The following ABCB5 variants were observed in gnomAD, a reference collection of about 807,000 sequenced individuals.
ABCB5 encodes ATP binding cassette subfamily B member 5, also known as ATP-binding cassette sub-family B member 5.
A neutral mutation model predicts 144.2 loss-of-function variants in ABCB5; 155 were observed. The observed-to-expected ratio is 1.08, with a 90% CI of 0.94 to 1.23. ABCB5 has a LOEUF of 1.23. Ranked by LOEUF, ABCB5 falls within the 50% of genes most tolerant of loss-of-function variation. The pLI is 0.00. For synonymous variants in ABCB5, 610 were observed against 528.6 expected (o/e 1.15, Z -2.11); for missense variants, 1,830 against 1,520.8 (o/e 1.20, Z -3.38).
At chr7:20,680,140 T>C (rs931854733) in intron 14 of ABCB5, among the ~76,000 whole-genome samples, 7 of 152,008 alleles carry the variant, frequency 4.6e-5, no homozygotes, top group Admixed American at 3.9e-4. Context: ...TAATGTTGAG[T>C]GAAAAGACCC....
chr7:20,703,768 C>CT (rs1786714660), intron 19 of ABCB5, among the ~76,000 whole-genome samples: 1 of 152,172 alleles, frequency 6.6e-6, no homozygotes, highest in Non-Finnish European at 1.5e-5. Context: ...CTGAGAAGCA[C>CT]TAAGATGTGC....
At chr7:20,705,435 T>C (rs1786789717) in intron 20 of ABCB5, among the ~76,000 whole-genome samples, 1 of 152,222 alleles carries the variant, frequency 6.6e-6, no homozygotes, top group Non-Finnish European at 1.5e-5. Flanking sequence ...GTTAGTTTTC[T>C]TTTAATTATT....
At chr7:20,744,617 TG>T (rs1349751906) in intron 25 of ABCB5, among the ~76,000 whole-genome samples, 1 of 110,020 alleles carries the variant, frequency 9.1e-6, no homozygotes, top group African/African-American at 3.4e-5. Flanking sequence ...GCTACATCCA[TG>T]GGGGGAGGGG....
At chr7:20,686,204 C>T (rs1034261240) in intron 16 of ABCB5, among the ~76,000 whole-genome samples, 1 of 152,182 alleles carries the variant, frequency 6.6e-6, no homozygotes, top group East Asian at 1.9e-4. Context: ...GCATGCCACT[C>T]CCGGAATGCA....
intron 1 of ABCB5, among the ~76,000 whole-genome samples, chr7:20,616,463 G>A (rs1783687498): frequency 6.6e-6 from 1 of 152,096 alleles, no homozygotes; most frequent in Admixed American, 6.6e-5. Context: ...TTCTCACATG[G>A]GTATTTTGTC....
intron 23 of ABCB5, among the ~76,000 whole-genome samples, chr7:20,729,091 C>T (rs1039643049): frequency 4.6e-5 from 7 of 152,072 alleles, no homozygotes; most frequent in African/African-American, 1.7e-4. Flanking sequence ...TTATGGGGTA[C>T]AATGGGATGT....
chr7:20,750,327 G>GCC (rs3033672), intron 26 of ABCB5, among the ~76,000 whole-genome samples: 65,842 of 151,354 alleles, frequency 0.44, 14,773 homozygotes, highest in African/African-American at 0.53. Flanking sequence ...ACAATGCACT[G>GCC]AGCAGCCTCA....
intron 14 of ABCB5, among the ~76,000 whole-genome samples, chr7:20,668,564 G>A (rs1282006942): frequency 5.3e-5 from 8 of 151,390 alleles, no homozygotes; most frequent in Non-Finnish European, 8.8e-5. Flanking sequence ...GTCTCCGCCC[G>A]GCAGCCACCC....
chr7:20,679,164 A>T (rs71526338), intron 14 of ABCB5, among the ~76,000 whole-genome samples: 2 of 152,064 alleles, frequency 1.3e-5, no homozygotes, highest in Non-Finnish European at 2.9e-5. Flanking sequence ...ATGAAAAGAC[A>T]CCATTAAGAG....
intron 17 of ABCB5, among the ~76,000 whole-genome samples, 196 bp downstream of exon 17, chr7:20,698,746 G>A (rs930180728): frequency 5.3e-5 from 8 of 152,152 alleles, no homozygotes; most frequent in Non-Finnish European, 8.8e-5. Context: ...GTGTGTGGCC[G>A]GGCCTTGTTG....
Position 20,743,056 on chromosome 7 carries a change from C to G in ABCB5, c.3204C>G (p.Asp1068Glu), listed in dbSNP as rs754678612. The G allele has an allele frequency of 1.2e-5, 20 of 1,613,862 alleles. No individual in the cohort carries two copies. In the Admixed American group the frequency reaches 2.7e-4, roughly 22 times the overall value. The change falls in exon 25 of 28, where the codon GAC (aspartate) becomes GAG (glutamate). Residue 1068 changes from aspartate to glutamate, a missense_variant. Physicochemically the swap from Asp to Glu is conservative, Grantham distance 45. Coordinates refer to ENST00000404938, the MANE Select transcript of ABCB5 (RefSeq NM_001163941.2). The stretch of plus-strand genomic sequence containing the variant: ...TTCAACTTCTGCAGAGACTTTATGA[C>G]CCCGTGCAAGGACAAGTGGTAAGAC... ...TSVQLLQRLY[D>E]PVQGQVLFDG...
chr7:20,623,181 G>A (rs535589228), intron 1 of ABCB5, 84 bp from the exon 2 acceptor site: 37 of 806,902 alleles, frequency 4.6e-5, no homozygotes, highest in Non-Finnish European at 7.1e-5. Flanking sequence ...AACTGTGAGA[G>A]ATGTGGGATG....
chr7:20,617,813 T>C (rs952461373), intron 1 of ABCB5, among the ~76,000 whole-genome samples: 2 of 152,086 alleles, frequency 1.3e-5, no homozygotes, highest in African/African-American at 4.8e-5. Context: ...GCTGGAATGG[T>C]TATAGTAATA....
At chr7:20,640,382 T>G (rs1049396032) in intron 5 of ABCB5, among the ~76,000 whole-genome samples, 5 of 152,152 alleles carry the variant, frequency 3.3e-5, no homozygotes, top group African/African-American at 1.2e-4. Flanking sequence ...TTATTTAATG[T>G]GTGTTGGTGA....
chr7:20,631,827 T>C (rs1002469368), intron 4 of ABCB5, among the ~76,000 whole-genome samples: 2 of 152,178 alleles, frequency 1.3e-5, no homozygotes, highest in African/African-American at 4.8e-5. Flanking sequence ...ATGAGCTACA[T>C]GGTTAATGCT....
intron 16 of ABCB5, among the ~76,000 whole-genome samples, chr7:20,694,242 T>C (rs944746389): frequency 1.3e-4 from 19 of 151,804 alleles, no homozygotes; most frequent in Non-Finnish European, 2.5e-4. Flanking sequence ...ATGTAACAAA[T>C]CTAATCCAAC....
At chr7:20,739,320 G>A (rs1020606968) in intron 24 of ABCB5, among the ~76,000 whole-genome samples, 181 bp downstream of exon 24, 2 of 151,806 alleles carry the variant, frequency 1.3e-5, no homozygotes, top group Non-Finnish European at 2.9e-5. Context: ...AATATACCCA[G>A]ACAACAAACC....
intron 26 of ABCB5, 126 bp downstream of exon 26, chr7:20,745,564 T>G: frequency 2.1e-5 from 20 of 956,116 alleles, no homozygotes; most frequent in Non-Finnish European, 3.0e-5. Context: ...GAATCTAAAG[T>G]TAGATGTAAA....
chr7:20,725,068 G>A (rs1458416363), intron 21 of ABCB5, among the ~76,000 whole-genome samples: 1 of 152,128 alleles, frequency 6.6e-6, no homozygotes, highest in African/African-American at 2.4e-5. Flanking sequence ...AGCTTTTGCT[G>A]TATATGTGCC....
Sources: allele counts gnomAD v4.1 joint callset (sites outside exome capture counted in the v4.1 genomes callset), GRCh38; gene constraint gnomAD v4.1.1; transcripts MANE v1.5; gene names NCBI Gene and HGNC (gene_info 2026-07-23, HGNC 2026-07-21).